Variants in FSIP1 observed in about 807,000 individuals in gnomAD.
FSIP1 encodes fibrous sheath-interacting protein 1.
Under a neutral mutation model 60.9 loss-of-function variants are expected in FSIP1, and 65 were observed. The ratio of observed to expected loss-of-function variants is 1.07; its 90% confidence interval spans 0.87 to 1.31. The LOEUF is 1.31. Among genes scored for constraint, FSIP1 ranks in the 40% most tolerant of loss-of-function variants. The pLI, the probability that FSIP1 is intolerant of heterozygous loss-of-function variation, is 0.00. For missense variants in FSIP1, 675 were observed against 665.5 expected (o/e 1.01, Z -0.16); for synonymous variants, 209 against 221.2 (o/e 0.94, Z 0.49).
At chr15:39,625,029 G>A (rs1891582003) in intron 10 of FSIP1, among the ~76,000 whole-genome samples, 1 of 152,190 alleles carries the variant, frequency 6.6e-6, no homozygotes, top group Non-Finnish European at 1.5e-5. Flanking sequence ...CGTTGTGGTG[G>A]TGTGGGAAGC....
chr15:39,631,784 T>C (rs1891900740), intron 10 of FSIP1, among the ~76,000 whole-genome samples: 1 of 152,194 alleles, frequency 6.6e-6, no homozygotes, highest in Admixed American at 6.5e-5. Flanking sequence ...CAAGTACATA[T>C]ATATTAATAG....
intron 11 of FSIP1, among the ~76,000 whole-genome samples, 177 bp from the exon 12 acceptor site, chr15:39,601,103 T>C (rs907529956): frequency 5.9e-5 from 9 of 152,128 alleles, no homozygotes; most frequent in Non-Finnish European, 8.8e-5. Context: ...ACGAGAAAAA[T>C]AGAAAGATCA....
chr15:39,689,704 T>C (rs1195339103), intron 10 of FSIP1, among the ~76,000 whole-genome samples: 1 of 152,236 alleles, frequency 6.6e-6, no homozygotes, highest in Non-Finnish European at 1.5e-5. Flanking sequence ...TTTCTTATTA[T>C]ATCACAATAT....
chr15:39,679,139 GA>G (rs1894060351), intron 10 of FSIP1, among the ~76,000 whole-genome samples: 1 of 152,142 alleles, frequency 6.6e-6, no homozygotes, highest in African/African-American at 2.4e-5. Flanking sequence ...TGCCTTTTAT[GA>G]ATTCTTAGGA....
At chr15:39,771,227 C>T (rs140892925) in intron 2 of FSIP1, among the ~76,000 whole-genome samples, 19 of 152,288 alleles carry the variant, frequency 1.2e-4, no homozygotes, top group African/African-American at 4.3e-4. Context: ...ATCATAGGCC[C>T]TGGGGTTTGT....
rs116305788 is a variant in FSIP1, at chr15:39,726,474, A to G, written c.1050+115T>C. 3,328 of 1,021,668 alleles carry G rather than the reference A, an allele frequency of 3.3e-3. 67 individuals are homozygous for G. The African/African-American group carries it at 0.046, about 14-fold the overall frequency. 63.3% of individuals were successfully genotyped at this position (1,021,668 alleles called of 1,614,324 possible). The stretch of plus-strand genomic sequence containing the variant: ...TGGAAGTAACCAAAGGAATATACAC[A>G]CTGTTATGAAACTATGATCACTGGA... On this transcript the variant is annotated intron_variant, in intron 9 of 11. Transcript: ENST00000350221.
chr15:39,622,796 C>T (rs1465255992), intron 10 of FSIP1, among the ~76,000 whole-genome samples: 1 of 152,174 alleles, frequency 6.6e-6, no homozygotes, highest in Admixed American at 6.5e-5. Context: ...CACTGCCACT[C>T]GCTGTAAATG....
intron 1 of FSIP1, among the ~76,000 whole-genome samples, chr15:39,777,835 A>T (rs1311382678): frequency 6.6e-6 from 1 of 152,148 alleles, no homozygotes; most frequent in Non-Finnish European, 1.5e-5. Context: ...CTACCCAACA[A>T]TGTCCTTTTC....
intron 1 of FSIP1, among the ~76,000 whole-genome samples, chr15:39,778,584 A>G (rs1455523437): frequency 6.6e-6 from 1 of 152,240 alleles, no homozygotes; most frequent in Non-Finnish European, 1.5e-5. Flanking sequence ...CCACAAAGAA[A>G]TTCCACAAGA....
At chr15:39,751,418 AACACACACACACAC>A (rs3065153) in intron 5 of FSIP1, among the ~76,000 whole-genome samples, 5 of 144,864 alleles carry the variant, frequency 3.5e-5, no homozygotes, top group East Asian at 2.0e-4. Flanking sequence ...GTAATACATA[AACACACACACACAC>A]ACACACACAC....
intron 3 of FSIP1, 100 bp from the exon 4 acceptor site, chr15:39,765,846 A>G: frequency 1.6e-6 from 1 of 636,332 alleles, no homozygotes; most frequent in Non-Finnish European, 2.6e-6. Flanking sequence ...AAATATTTAT[A>G]GCTGATAGTA....
intron 9 of FSIP1, among the ~76,000 whole-genome samples, chr15:39,722,245 A>G (rs1395298848): frequency 6.6e-6 from 1 of 150,404 alleles, no homozygotes; most frequent in African/African-American, 2.5e-5. Flanking sequence ...GTCTCCCATT[A>G]CCCCCGGATG....
intron 10 of FSIP1, among the ~76,000 whole-genome samples, chr15:39,708,889 A>T (rs1167064677): frequency 2.0e-5 from 3 of 152,106 alleles, no homozygotes; most frequent in African/African-American, 7.2e-5. Flanking sequence ...AGGCCCCTAT[A>T]TGCCTACTGA....
intron 10 of FSIP1, among the ~76,000 whole-genome samples, chr15:39,670,472 CTTTT>C (rs1181605641): frequency 6.6e-6 from 1 of 152,112 alleles, no homozygotes; most frequent in Non-Finnish European, 1.5e-5. Flanking sequence ...TATTTTCTCT[CTTTT>C]GTCTTTTTCT....
At chr15:39,630,707 T>TA (rs111829967) in intron 10 of FSIP1, among the ~76,000 whole-genome samples, 4 of 152,138 alleles carry the variant, frequency 2.6e-5, no homozygotes, top group Non-Finnish European at 5.9e-5. Context: ...CCAGAACTAA[T>TA]AAAAAAAATG....
chr15:39,610,135 G>T (rs1183921554), intron 11 of FSIP1, among the ~76,000 whole-genome samples: 1 of 151,924 alleles, frequency 6.6e-6, no homozygotes, highest in Non-Finnish European at 1.5e-5. Context: ...AAAATGTAGA[G>T]CTATGAAAAA....
intron 11 of FSIP1, among the ~76,000 whole-genome samples, chr15:39,604,221 G>A (rs1890743881): frequency 6.6e-6 from 1 of 152,236 alleles, no homozygotes; most frequent in Admixed American, 6.5e-5. Context: ...GTGAGCCACA[G>A]TGCCCGGCTG....
chr15:39,728,704 C>T (rs932589025), intron 8 of FSIP1, among the ~76,000 whole-genome samples: 1 of 152,130 alleles, frequency 6.6e-6, no homozygotes, highest in Non-Finnish European at 1.5e-5. Context: ...TAGTCCCTGT[C>T]AAGGATTTCA....
chr15:39,681,041 G>A (rs1012283615), intron 10 of FSIP1, among the ~76,000 whole-genome samples: 1 of 152,120 alleles, frequency 6.6e-6, no homozygotes, highest in Non-Finnish European at 1.5e-5. Context: ...ATGGAGACCA[G>A]CCACGACCCC....
Sources: allele counts gnomAD v4.1 joint callset (sites outside exome capture counted in the v4.1 genomes callset), GRCh38; gene constraint gnomAD v4.1.1; transcripts MANE v1.5; gene names NCBI Gene and HGNC (gene_info 2026-07-23, HGNC 2026-07-21).